Variants in PCDHAC1 observed in about 807,000 individuals in gnomAD.
The protein encoded by PCDHAC1 is protocadherin alpha subfamily C, 1.
A neutral mutation model predicts 60.0 loss-of-function variants in PCDHAC1; 42 were observed. The observed-to-expected ratio is 0.70, with a 90% CI of 0.55 to 0.90. PCDHAC1 has a LOEUF of 0.90. Ranked by LOEUF, PCDHAC1 falls within the 40% of genes least tolerant of loss-of-function variation. The pLI is 0.00. For synonymous variants in PCDHAC1, 468 were observed against 499.3 expected (o/e 0.94, Z 0.84); for missense variants, 1,160 against 1,222.3 (o/e 0.95, Z 0.76).
At chr5:140,982,253 A>T (rs1209317234) in intron 2 of PCDHAC1, 1 of 777,640 alleles carries the variant, frequency 1.3e-6, no homozygotes, top group African/African-American at 1.8e-5. Flanking sequence ...AAGATAGAAC[A>T]TGTGTGTTCC....
intron 1 of PCDHAC1, chr5:140,967,313 C>T: frequency 6.2e-7 from 1 of 1,611,052 alleles, no homozygotes; most frequent in Non-Finnish European, 8.5e-7. Flanking sequence ...CAACTCAGTA[C>T]AGACCTACGA....
intron 3 of PCDHAC1, among the ~76,000 whole-genome samples, chr5:141,008,809 C>A (rs1397377778): frequency 6.6e-6 from 1 of 152,160 alleles, no homozygotes; most frequent in African/African-American, 2.4e-5. Flanking sequence ...CAAATAGGCT[C>A]AATTTACAAC....
At position 140,978,807 on chromosome 5, in the gene PCDHAC1, A is replaced by G. The variant is rs1489269679; in HGVS notation, c.2434-142A>G. 3.3e-6 allele frequency: 5 copies of G among 1,494,726 alleles called. No individual in the cohort carries two copies. In the African/African-American group the frequency reaches 4.2e-5, roughly 12 times the overall value. The allele number at this position is 1,494,726 out of a possible 1,614,324, so 92.6% of individuals were successfully genotyped here. A position where few individuals can be genotyped will look rare whatever the true frequency, so the allele number is the denominator to read the frequency against. ...AAGTGCTATATATGTAGATATCATC[A>G]TAGAGTTACACATGAAATGGCTCAT... On this transcript the variant is annotated intron_variant, in intron 1 of 3. Coordinates refer to ENST00000253807, the MANE Select transcript of PCDHAC1 (RefSeq NM_018898.5).
chr5:140,983,059 C>A (rs1325414567), intron 3 of PCDHAC1, among the ~76,000 whole-genome samples: 3 of 151,980 alleles, frequency 2.0e-5, no homozygotes, highest in Non-Finnish European at 4.4e-5. Flanking sequence ...TTATCGGAAC[C>A]AAGGCATTGT....
intron 3 of PCDHAC1, among the ~76,000 whole-genome samples, chr5:140,990,165 G>A (rs2097378132): frequency 6.6e-6 from 1 of 152,126 alleles, no homozygotes; most frequent in African/African-American, 2.4e-5. Flanking sequence ...GTTAGGGTAT[G>A]AAAAGGTGAC....
chr5:140,941,202 C>CCTTCCTTTCTTTCTTTCTTTCTTT (rs1554213920), intron 1 of PCDHAC1, among the ~76,000 whole-genome samples: 8 of 122,742 alleles, frequency 6.5e-5, no homozygotes, highest in Non-Finnish European at 1.1e-4. Flanking sequence ...TTTCTTTCTT[C>CCTTCCTTTCTTTCTTTCTTTCTTT]CTTTCTTTCT....
At chr5:140,930,644 A>G (rs1346561903) in intron 1 of PCDHAC1, among the ~76,000 whole-genome samples, 1 of 152,198 alleles carries the variant, frequency 6.6e-6, no homozygotes, top group East Asian at 1.9e-4. Context: ...AGGAAGGAAA[A>G]TGAAGCATTC....
intron 1 of PCDHAC1, chr5:140,968,681 A>G: frequency 1.9e-6 from 3 of 1,614,158 alleles, no homozygotes; most frequent in Non-Finnish European, 2.5e-6. Context: ...AGAGCTGCAC[A>G]CAGGAGAAAT....
At chr5:140,968,125 T>G in intron 1 of PCDHAC1, 2 of 1,614,174 alleles carry the variant, frequency 1.2e-6, no homozygotes, top group South Asian at 2.2e-5. Flanking sequence ...CATCCCTGCG[T>G]ACACTGAAGG....
At chr5:140,952,768 AT>A (rs1554220610) in intron 1 of PCDHAC1, among the ~76,000 whole-genome samples, 1 of 152,180 alleles carries the variant, frequency 6.6e-6, no homozygotes, top group African/African-American at 2.4e-5. Context: ...AGACTGGATA[AT>A]TTAGAAAGAA....
chr5:140,977,720 A>C (rs1156806702), intron 1 of PCDHAC1, among the ~76,000 whole-genome samples: 1 of 152,202 alleles, frequency 6.6e-6, no homozygotes, highest in African/African-American at 2.4e-5. Flanking sequence ...GATGGTGATC[A>C]TTTCTCTCCT....
intron 3 of PCDHAC1, among the ~76,000 whole-genome samples, chr5:140,996,394 G>A (rs2097724789): frequency 6.6e-6 from 1 of 152,192 alleles, no homozygotes; most frequent in Non-Finnish European, 1.5e-5. Context: ...GCCTCATAGA[G>A]TTTCAGGTGG....
chr5:140,936,326 A>G (rs2090913771), intron 1 of PCDHAC1, among the ~76,000 whole-genome samples: 1 of 152,138 alleles, frequency 6.6e-6, no homozygotes, highest in South Asian at 2.1e-4. Flanking sequence ...CATGCTATAA[A>G]TTTTCTCTAT....
intron 3 of PCDHAC1, among the ~76,000 whole-genome samples, chr5:141,004,757 A>T (rs964370551): frequency 3.9e-5 from 6 of 152,164 alleles, no homozygotes; most frequent in African/African-American, 1.4e-4. Flanking sequence ...TCTCTTAGAG[A>T]CAGGACCTGT....
intron 1 of PCDHAC1, among the ~76,000 whole-genome samples, chr5:140,952,315 G>T (rs2094717881): frequency 6.8e-6 from 1 of 147,138 alleles, no homozygotes; most frequent in Non-Finnish European, 1.5e-5. Context: ...TCCAGCCTGG[G>T]CAACAAGAGT....
intron 1 of PCDHAC1, among the ~76,000 whole-genome samples, chr5:140,956,473 A>G (rs1269855039): frequency 1.1e-4 from 17 of 152,136 alleles, no homozygotes; most frequent in Admixed American, 1.1e-3. Context: ...CATATGTTGA[A>G]CCAGTCTTGC....
chr5:140,999,654 C>A (rs180994815), intron 3 of PCDHAC1, among the ~76,000 whole-genome samples: 1 of 152,122 alleles, frequency 6.6e-6, no homozygotes, highest in South Asian at 2.1e-4. Flanking sequence ...AGCCTGAGCC[C>A]TGCTGGGTTG....
rs35680913 is a variant in PCDHAC1 at position 140,961,887 on chromosome 5, GT to G, written c.2434-17048del. Among the ~76,000 whole-genome samples, 881 of 143,912 alleles carry G rather than the reference GT, an allele frequency of 6.1e-3. 6 individuals carry two copies. The highest frequency in any genetic ancestry group is 0.018 in the African/African-American group (705 of 39,388). The allele number at this position is 143,912 out of a possible 152,430, so 94.4% of individuals were successfully genotyped here. ...ACAGATAATTGACTTACTTACATCA[GT>G]TTTTTTTTTTTTTGAGATGGAGTCT... On this transcript the variant is annotated intron_variant, in intron 1 of 3. Coordinates refer to ENST00000253807, the MANE Select transcript of PCDHAC1 (RefSeq NM_018898.5).
chr5:140,987,790 A>AT (rs1409478213), intron 3 of PCDHAC1, among the ~76,000 whole-genome samples: 3 of 152,100 alleles, frequency 2.0e-5, no homozygotes, highest in Admixed American at 6.6e-5. Context: ...TATAGAGAAG[A>AT]TTTTTTTAAA....
Sources: allele counts gnomAD v4.1 joint callset (sites outside exome capture counted in the v4.1 genomes callset), GRCh38; gene constraint gnomAD v4.1.1; transcripts MANE v1.5; gene names NCBI Gene and HGNC (gene_info 2026-07-23, HGNC 2026-07-21).